The following ENTREP2 variants were observed in gnomAD, a reference collection of about 807,000 sequenced individuals.
ENTREP2 encodes the protein protein ENTREP2.
the ENTREP2 span, among the ~76,000 whole-genome samples, chr15:29,229,481 C>T: frequency 6.6e-6 from 1 of 152,098 alleles, no homozygotes; most frequent in African/African-American, 2.4e-5. Context: ...ATGTCTCTAC[C>T]TTTTTTTCCC....
the ENTREP2 span, among the ~76,000 whole-genome samples, chr15:29,323,390 A>T: frequency 1.3e-5 from 2 of 152,214 alleles, no homozygotes; most frequent in African/African-American, 4.8e-5. Context: ...AGCTGAACAC[A>T]CGGAGGTTCC....
the ENTREP2 span, among the ~76,000 whole-genome samples, chr15:29,652,251 C>A: frequency 2.6e-5 from 4 of 152,280 alleles, no homozygotes; most frequent in South Asian, 2.1e-4. Context: ...AGGGGCCACC[C>A]ACCCCAGGGC....
the ENTREP2 span, among the ~76,000 whole-genome samples, chr15:29,258,363 C>T: frequency 1.3e-5 from 2 of 151,986 alleles, no homozygotes; most frequent in African/African-American, 4.8e-5. Flanking sequence ...AAAATAGTTG[C>T]TGAAAACATC....
chr15:29,466,464 ATG>A, the ENTREP2 span, among the ~76,000 whole-genome samples: 1 of 114,940 alleles, frequency 8.7e-6, no homozygotes, highest in East Asian at 2.9e-4. Flanking sequence ...GAGGATGCTG[ATG>A]GCCCCAGGGG....
chr15:29,389,396 G>T, the ENTREP2 span, among the ~76,000 whole-genome samples: 1 of 152,048 alleles, frequency 6.6e-6, no homozygotes, highest in African/African-American at 2.4e-5. Context: ...TCCAGGAGGG[G>T]CAGCACAGGC....
chr15:29,479,685 A>G, the ENTREP2 span, among the ~76,000 whole-genome samples: 1 of 37,610 alleles, frequency 2.7e-5, no homozygotes, highest in Non-Finnish European at 4.7e-5. Flanking sequence ...ACACATACAT[A>G]CACACACACA....
At chr15:29,472,428 A>AACACACACACACACACACAC in the ENTREP2 span, among the ~76,000 whole-genome samples, 14 of 140,622 alleles carry the variant, frequency 1.0e-4, no homozygotes, top group Admixed American at 3.6e-4. Context: ...CACAACACAC[A>AACACACACACACACACACAC]ACACACACAC....
At chr15:29,126,492 C>T in the ENTREP2 span, 1 of 1,549,928 alleles carries the variant, frequency 6.5e-7, no homozygotes, top group Non-Finnish European at 8.7e-7. Context: ...TCAGCTGGTA[C>T]TGCAAGAGAA....
the ENTREP2 span, among the ~76,000 whole-genome samples, chr15:29,254,168 A>AT: frequency 1.4e-4 from 20 of 146,020 alleles, no homozygotes; most frequent in African/African-American, 5.1e-4. Context: ...GAGCAAAAAA[A>AT]AAAAAAAAAA....
At chr15:29,195,557 G>A in the ENTREP2 span, among the ~76,000 whole-genome samples, 4 of 152,000 alleles carry the variant, frequency 2.6e-5, no homozygotes, top group East Asian at 7.7e-4. Context: ...ATGAAGCCTT[G>A]CTCTGTCACC....
chr15:29,349,861 C>T, the ENTREP2 span, among the ~76,000 whole-genome samples: 2 of 152,070 alleles, frequency 1.3e-5, no homozygotes, highest in African/African-American at 2.4e-5. Context: ...TAGCACCACT[C>T]TGCACTCCAG....
chr15:29,165,716 G>A, the ENTREP2 span, among the ~76,000 whole-genome samples: 5 of 152,032 alleles, frequency 3.3e-5, no homozygotes, highest in East Asian at 3.9e-4. Flanking sequence ...AAATGTCCAC[G>A]ACCAGACAGA....
chr15:29,648,310 T>C, the ENTREP2 span, among the ~76,000 whole-genome samples: 1 of 152,210 alleles, frequency 6.6e-6, no homozygotes, highest in Non-Finnish European at 1.5e-5. Flanking sequence ...TCTGTAGATA[T>C]TATCCTTGTC....
the ENTREP2 span, among the ~76,000 whole-genome samples, chr15:29,389,045 A>T: frequency 6.6e-6 from 1 of 151,952 alleles, no homozygotes; most frequent in Admixed American, 6.6e-5. Flanking sequence ...GCACACCAAC[A>T]TGGCACATGT....
chr15:29,180,107 C>T, the ENTREP2 span, among the ~76,000 whole-genome samples: 2 of 152,118 alleles, frequency 1.3e-5, no homozygotes, highest in Non-Finnish European at 1.5e-5. Context: ...TGGACAAACC[C>T]ACCATAGGAG....
the ENTREP2 span, among the ~76,000 whole-genome samples, chr15:29,236,733 T>C: frequency 2.6e-5 from 4 of 152,212 alleles, no homozygotes; most frequent in East Asian, 7.7e-4. Flanking sequence ...ATAGTTTCAC[T>C]GGAGAATTCT....
the ENTREP2 span, among the ~76,000 whole-genome samples, chr15:29,272,255 C>T: frequency 1.3e-5 from 2 of 152,158 alleles, no homozygotes; most frequent in Non-Finnish European, 2.9e-5. Context: ...TGGATTGATA[C>T]TGGAAGCCAT....
At chr15:29,634,791 A>G in the ENTREP2 span, among the ~76,000 whole-genome samples, 15 of 152,226 alleles carry the variant, frequency 9.9e-5, no homozygotes, top group Admixed American at 3.3e-4. Context: ...AGCAGCTCAC[A>G]TAACTCAGGG....
chr15:29,600,439 CCATCATCAT>C, the ENTREP2 span, among the ~76,000 whole-genome samples: 61 of 141,800 alleles, frequency 4.3e-4, no homozygotes, highest in African/African-American at 1.4e-3. Context: ...TTCTCTCCCA[CCATCATCAT>C]CATCATCATC....
Sources: allele counts gnomAD v4.1 joint callset (sites outside exome capture counted in the v4.1 genomes callset), GRCh38; gene constraint gnomAD v4.1.1; transcripts MANE v1.5; gene names NCBI Gene and HGNC (gene_info 2026-07-23, HGNC 2026-07-21).